Variants in RBAK observed in about 807,000 individuals in gnomAD.
RBAK encodes the protein RB associated KRAB zinc finger, also known as RB-associated KRAB zinc finger protein.
A neutral mutation model predicts 65.8 loss-of-function variants in RBAK; 39 were observed. The observed-to-expected ratio is 0.59, with a 90% CI of 0.46 to 0.77. The LOEUF (loss-of-function observed/expected upper bound fraction) is 0.77. Among genes scored for constraint, RBAK ranks in the 30% least tolerant of loss-of-function variants. The pLI is 0.00. For synonymous variants in RBAK, 343 were observed against 289.7 expected (o/e 1.18, Z -1.87); for missense variants, 884 against 855.1 (o/e 1.03, Z -0.42).
chr7:5,065,204 T>G lies in RBAK; in HGVS notation c.1748T>G (p.Phe583Cys). The G allele has an allele frequency of 6.2e-7, 1 of 1,613,302 alleles. No homozygotes were observed. Among genetic ancestry groups the G allele is most frequent in the Non-Finnish European group, 8.5e-7 (1 of 1,179,796 alleles). The change falls in exon 5 of 5, where the codon TTC becomes TGC. Residue 583 changes from phenylalanine to cysteine, a missense_variant. Physicochemically the swap from Phe to Cys is radical, Grantham distance 205. Transcript: ENST00000396912. The surrounding 1 kb of genome is among the most constrained non-coding windows in gnomAD (Gnocchi z 5.3). ...GKTFSHNSSL[F>C]RHQRVHTGEK... is the part of the protein sequence containing the mutation. ...ACCTTTTCCCATAATTCATCCCTCT[T>G]CAGACATCAAAGAGTACACACAGGC...
intron 2 of RBAK, among the ~76,000 whole-genome samples, chr7:5,055,461 T>C (rs1788208266): frequency 6.6e-6 from 1 of 152,220 alleles, no homozygotes; most frequent in Non-Finnish European, 1.5e-5. Context: ...GTTTGTTTTT[T>C]TAAATCAGCT....
At chr7:5,049,893 T>G (rs1228736457) in intron 2 of RBAK, among the ~76,000 whole-genome samples, 1 of 152,124 alleles carries the variant, frequency 6.6e-6, no homozygotes, top group Non-Finnish European at 1.5e-5. Flanking sequence ...AATTTTTTTA[T>G]ATTTTAGTAG....
At chr7:5,057,213 A>T (rs1326635582) in intron 2 of RBAK, 82 bp from the exon 3 acceptor site, 1 of 1,601,182 alleles carries the variant, frequency 6.2e-7, no homozygotes, top group Non-Finnish European at 8.5e-7. Flanking sequence ...GTTTATGGTT[A>T]ACTTTACCGG....
At chr7:5,053,950 T>C (rs1001163073) in intron 2 of RBAK, among the ~76,000 whole-genome samples, 9 of 152,226 alleles carry the variant, frequency 5.9e-5, no homozygotes, top group African/African-American at 2.2e-4. Context: ...TGTAATTTCC[T>C]GCCCATTTTC....
rs1196803991 is a variant in RBAK at position 5,065,489 on chromosome 7, C to A, written c.2033C>A (p.Pro678His). 1.9e-6 allele frequency: 3 copies of A among 1,606,490 alleles called. No individual in the cohort carries two copies. Among genetic ancestry groups the A allele is most frequent in the Non-Finnish European group, 2.6e-6 (3 of 1,174,422 alleles). ...TATAGAACTCATTCAGGAGAGAAAC[C>A]CTATGAATGTAACGAGTGTGGGAAA... is the stretch of plus-strand genomic sequence containing the variant. The part of the protein sequence containing the change: ...VHYRTHSGEK[P>H]YECNECGKKF... Residue 678 changes from proline (P) to histidine (H), a missense_variant, in exon 5 of 5, where the codon CCC becomes CAC. By Grantham distance (77) the Pro-to-His change is moderately conservative. Transcript: ENST00000396912. This position sits in a 1 kb window ranked among gnomAD's most constrained non-coding sequence, Gnocchi z 5.3.
At chr7:5,047,521 C>A (rs1788016059) in intron 1 of RBAK, among the ~76,000 whole-genome samples, 1 of 151,630 alleles carries the variant, frequency 6.6e-6, no homozygotes, top group East Asian at 1.9e-4. Flanking sequence ...ATGAGAGTCT[C>A]ACTCATCTGA....
In RBAK at chr7:5,064,345, TC is replaced by T. The variant is rs1779160875; in HGVS notation, c.891del (p.Phe298SerfsTer15). 3.7e-6 allele frequency: 6 copies of T among 1,613,818 alleles called. No homozygotes were observed. The highest frequency in any genetic ancestry group is 4.2e-6 in the Non-Finnish European group (5 of 1,179,952). On this transcript the variant is annotated frameshift_variant, in exon 5 of 5. Coordinates refer to ENST00000396912, the MANE Select transcript of RBAK (RefSeq NM_021163.4). LOFTEE classifies it high-confidence loss of function. This position sits in a 1 kb window ranked among gnomAD's most constrained non-coding sequence, Gnocchi z 6.3. ...TTATGAATGTAATGTATGTGGGAAA[TC>T]CTTCAGCCAAAAGGGAACCCTCACT... Reference protein sequence around the residue: ...KPYECNVCGKSFSQKGTLTVH... With the variant: ...KPYECNVCGKXFSQKGTLTVH...
chr7:5,052,900 C>T (rs1788148396), intron 2 of RBAK, among the ~76,000 whole-genome samples: 1 of 152,118 alleles, frequency 6.6e-6, no homozygotes, highest in African/African-American at 2.4e-5. Flanking sequence ...GCTGGGATTA[C>T]AGACACCCAC....
Position 5,068,729 on chromosome 7 carries a change from G to A in RBAK, c.*3128G>A, listed in dbSNP as rs1387832981. The A allele has an allele frequency of 6.6e-6, 1 of 152,202 alleles. No individual in the cohort carries two copies. The highest frequency in any genetic ancestry group is 1.5e-5 in the Non-Finnish European group (1 of 68,042). The allele number at this position is 152,202 out of a possible 1,614,324, so 9.4% of individuals were successfully genotyped here. A position where few individuals can be genotyped will look rare whatever the true frequency, so the allele number is the denominator to read the frequency against. ...CATGTGTCTGTCCACCAAAGGACAT[G>A]CACTAGAATATTTATAGCCTAAAAC... On this transcript the variant is annotated 3_prime_UTR_variant, in exon 5 of 5. Transcript: ENST00000396912.
At chr7:5,054,996 G>A (rs1165951239) in intron 2 of RBAK, among the ~76,000 whole-genome samples, 1 of 151,992 alleles carries the variant, frequency 6.6e-6, no homozygotes, top group African/African-American at 2.4e-5. Context: ...TGACCAGGCT[G>A]GTCTTGAACT....
Position 5,046,394 on chromosome 7 carries a change from A to C in RBAK, c.-47A>C, listed in dbSNP as rs562359843. On this transcript the variant is annotated splice_region_variant and 5_prime_UTR_variant, in exon 1 of 5. Coordinates refer to ENST00000396912, the MANE Select transcript of RBAK (RefSeq NM_021163.4). The stretch of plus-strand genomic sequence containing the variant: ...GGGGCAGAGGCTGCGGAGCCCCAGA[A>C]GGGTAGGTCTTGGGTTTTCGGGCCC... 2 of 515,662 alleles carry C rather than the reference A, an allele frequency of 3.9e-6. No homozygotes were observed. Among genetic ancestry groups the C allele is most frequent in the Admixed American group, 3.9e-5 (2 of 51,446 alleles). 31.9% of individuals were successfully genotyped at this position (515,662 alleles called of 1,614,324 possible).
At position 5,066,063 on chromosome 7, in the gene RBAK, G is replaced by A. The variant is rs1371197826; in HGVS notation, c.*462G>A. 1 of 152,732 alleles carries A rather than the reference G, an allele frequency of 6.5e-6. No homozygotes were observed. The highest frequency in any genetic ancestry group is 1.5e-5 in the Non-Finnish European group (1 of 68,176). The allele number at this position is 152,732 out of a possible 1,614,324, so 9.5% of individuals were successfully genotyped here. A position where few individuals can be genotyped will look rare whatever the true frequency, so the allele number is the denominator to read the frequency against. On this transcript the variant is annotated 3_prime_UTR_variant, in exon 5 of 5. Coordinates refer to ENST00000396912, the MANE Select transcript of RBAK (RefSeq NM_021163.4). Reference sequence around the variant, plus strand: ...ATAAAATGAAGTTTTTAAATTGTCAGGAGTTGATCATGAGGACAGTAGCAT... The same window carrying A: ...ATAAAATGAAGTTTTTAAATTGTCAAGAGTTGATCATGAGGACAGTAGCAT...
intron 4 of RBAK, among the ~76,000 whole-genome samples, chr7:5,059,418 T>G (rs1779013893): frequency 6.6e-6 from 1 of 152,004 alleles, no homozygotes; most frequent in Non-Finnish European, 1.5e-5. Flanking sequence ...CCTCCCAGGT[T>G]CAAGCGATTC....
At chr7:5,061,328 CTG>C (rs1204390752) in intron 4 of RBAK, among the ~76,000 whole-genome samples, 1 of 152,010 alleles carries the variant, frequency 6.6e-6, no homozygotes, top group African/African-American at 2.4e-5. Context: ...CTCTTAACCA[CTG>C]TGCTATATTG....
intron 4 of RBAK, among the ~76,000 whole-genome samples, chr7:5,058,786 T>A (rs1778999826): frequency 6.6e-6 from 1 of 152,262 alleles, no homozygotes; most frequent in Admixed American, 6.5e-5. Flanking sequence ...TTCTTGCCTT[T>A]TCAGGACTGT....
At position 5,046,332 on chromosome 7, in the gene RBAK, A is replaced by C; in HGVS notation, c.-109A>C. 1 of 515,448 alleles carries C rather than the reference A, an allele frequency of 1.9e-6. No individual in the cohort carries two copies. Among genetic ancestry groups the C allele is most frequent in the Non-Finnish European group, 3.9e-6 (1 of 259,224 alleles). 31.9% of individuals were successfully genotyped at this position (515,448 alleles called of 1,614,324 possible). Reference sequence around the variant, plus strand: ...GGGACCTCGCGAGCAGACGCGCGCCAGCGACAGCAGCCCCGCCCCGGCCTC... The same window carrying C: ...GGGACCTCGCGAGCAGACGCGCGCCCGCGACAGCAGCCCCGCCCCGGCCTC... On this transcript the variant is annotated 5_prime_UTR_variant, in exon 1 of 5. Coordinates refer to ENST00000396912, the MANE Select transcript of RBAK (RefSeq NM_021163.4).
At chr7:5,063,115 G>T (rs897744867) in intron 4 of RBAK, among the ~76,000 whole-genome samples, 1 of 152,166 alleles carries the variant, frequency 6.6e-6, no homozygotes, top group Non-Finnish European at 1.5e-5. Flanking sequence ...ATAAGTGTCC[G>T]TGAAATCTTC....
intron 2 of RBAK, chr7:5,056,877 AG>A (rs1778930809): frequency 1.3e-5 from 2 of 152,614 alleles, no homozygotes; most frequent in South Asian, 2.1e-4. Flanking sequence ...CCTGGCAGCA[AG>A]GAAGACTAAA....
intron 4 of RBAK, among the ~76,000 whole-genome samples, chr7:5,063,125 C>A (rs1473593748): frequency 6.6e-6 from 1 of 152,172 alleles, no homozygotes; most frequent in African/African-American, 2.4e-5. Flanking sequence ...GTGAAATCTT[C>A]ACAATTTATG....
Sources: allele counts gnomAD v4.1 joint callset (sites outside exome capture counted in the v4.1 genomes callset), GRCh38; gene constraint gnomAD v4.1.1; non-coding constraint Gnocchi (gnomAD v3.1); transcripts MANE v1.5; gene names NCBI Gene and HGNC (gene_info 2026-07-23, HGNC 2026-07-21).